MYO1D: variants seen among roughly 807,000 people sequenced by gnomAD.
MYO1D encodes the protein unconventional myosin-Id.
MYO1D carries 83 observed loss-of-function variants against 122.0 expected under a neutral mutation model. That is an observed-to-expected ratio of 0.68 (90% CI 0.57 to 0.82). The LOEUF (loss-of-function observed/expected upper bound fraction) is 0.82, where lower values mean the gene tolerates loss of function less well. Among genes scored for constraint, MYO1D ranks in the 40% least tolerant of loss-of-function variants. MYO1D has a pLI of 0.00. For synonymous variants in MYO1D, 464 were observed against 446.9 expected, an observed-to-expected ratio of 1.04 and a Z score of -0.48; for missense variants, 1,157 against 1,269.5, an observed-to-expected ratio of 0.91 and a Z score of 1.35.
At chr17:32,680,803 T>C (rs1332475462) in intron 16 of MYO1D, among the ~76,000 whole-genome samples, 2 of 152,246 alleles carry the variant, frequency 1.3e-5, no homozygotes, top group Non-Finnish European at 2.9e-5. Context: ...TTTCTATTGA[T>C]TGGAATCATT....
rs567264786 is a variant in MYO1D, at chr17:32,605,134, C to T, written c.2817G>A (p.Glu939=). ...VCLFSKQPTH[E]SRIGELVGVL... ...CTCCAACAAGTTCTCCAATTCGACT[C>T]TCATGGGTTGGCTGTTTGCTGAAGA... is the stretch of plus-strand genomic sequence containing the variant. Residue 939 remains glutamate, a synonymous_variant, in exon 21 of 22, where the codon GAG becomes GAA. Transcript: ENST00000318217. The T allele has an allele frequency of 3.1e-6, 5 of 1,609,712 alleles. No individual in the cohort carries two copies. Among genetic ancestry groups the T allele is most frequent in the African/African-American group, 2.7e-5 (2 of 75,008 alleles).
intron 20 of MYO1D, among the ~76,000 whole-genome samples, chr17:32,620,831 G>A (rs1245235620): frequency 1.3e-5 from 2 of 152,156 alleles, no homozygotes; most frequent in Non-Finnish European, 2.9e-5. Flanking sequence ...ATCACAGGCT[G>A]GAGCACACAC....
At chr17:32,840,117 A>G (rs2090865888) in intron 1 of MYO1D, among the ~76,000 whole-genome samples, 1 of 152,174 alleles carries the variant, frequency 6.6e-6, no homozygotes. Context: ...ATGAAAAGAG[A>G]GATGTAGTTC....
chr17:32,803,139 CT>C (rs1008719907), intron 1 of MYO1D, among the ~76,000 whole-genome samples: 74 of 152,100 alleles, frequency 4.9e-4, no homozygotes, highest in African/African-American at 1.7e-3. Flanking sequence ...TGTGCCAGAA[CT>C]TCCAATTTTT....
chr17:32,566,556 A>G (rs1321571743), intron 21 of MYO1D, among the ~76,000 whole-genome samples: 2 of 151,956 alleles, frequency 1.3e-5, no homozygotes, highest in East Asian at 2.0e-4. Context: ...TGTGGGAGTG[A>G]CCTCAGACCT....
chr17:32,772,901 A>T (rs367571091), intron 4 of MYO1D, 59 bp from the exon 5 acceptor site: 892 of 1,412,028 alleles, frequency 6.3e-4, no homozygotes, highest in Non-Finnish European at 8.5e-4. Flanking sequence ...ATAAAACAGG[A>T]GCCACTTTCT....
intron 20 of MYO1D, among the ~76,000 whole-genome samples, chr17:32,613,987 T>C (rs2087738888): frequency 6.6e-6 from 1 of 151,774 alleles, no homozygotes. Context: ...TATACCATGG[T>C]ATATAAAACA....
intron 1 of MYO1D, among the ~76,000 whole-genome samples, chr17:32,848,742 T>C (rs2090959634): frequency 6.6e-6 from 1 of 152,166 alleles, no homozygotes; most frequent in African/African-American, 2.4e-5. Context: ...GTGCCGTTGC[T>C]ACCTAACCAC....
At chr17:32,844,121 T>G (rs1439327834) in intron 1 of MYO1D, among the ~76,000 whole-genome samples, 2 of 150,004 alleles carry the variant, frequency 1.3e-5, no homozygotes, top group African/African-American at 4.9e-5. Context: ...TTAAATATTC[T>G]ATTATATGTA....
intron 21 of MYO1D, 86 bp downstream of exon 21, chr17:32,605,001 A>G: frequency 7.6e-7 from 1 of 1,311,644 alleles, no homozygotes; most frequent in Non-Finnish European, 1.0e-6. Flanking sequence ...ATACATTAAA[A>G]TTGGCACAAA....
chr17:32,753,906 A>G (rs1305058957), intron 11 of MYO1D, among the ~76,000 whole-genome samples: 1 of 152,158 alleles, frequency 6.6e-6, no homozygotes, highest in African/African-American at 2.4e-5. Context: ...CAAAAGAAAA[A>G]AAAAAAAAAG....
chr17:32,546,864 C>T (rs2086968934), intron 21 of MYO1D, among the ~76,000 whole-genome samples: 1 of 151,382 alleles, frequency 6.6e-6, no homozygotes, highest in Non-Finnish European at 1.5e-5. Flanking sequence ...TAGGCTATCA[C>T]TGAGCTCCAT....
At chr17:32,568,921 G>T (rs1285594515) in intron 21 of MYO1D, among the ~76,000 whole-genome samples, 1 of 152,176 alleles carries the variant, frequency 6.6e-6, no homozygotes, top group Non-Finnish European at 1.5e-5. Flanking sequence ...GTCATCATTT[G>T]TTTTTATGTG....
intron 21 of MYO1D, among the ~76,000 whole-genome samples, chr17:32,546,374 G>C (rs946828278): frequency 2.6e-5 from 4 of 152,176 alleles, no homozygotes; most frequent in African/African-American, 9.7e-5. Flanking sequence ...TGTCTTTGTC[G>C]AGGAGCACTC....
intron 21 of MYO1D, among the ~76,000 whole-genome samples, chr17:32,514,766 C>T (rs575623581): frequency 4.1e-4 from 63 of 152,160 alleles, no homozygotes; most frequent in Admixed American, 8.5e-4. Flanking sequence ...ATAACACATC[C>T]GGGAGTCAGA....
chr17:32,620,390 T>C (rs939725962), intron 20 of MYO1D, among the ~76,000 whole-genome samples: 1 of 152,198 alleles, frequency 6.6e-6, no homozygotes, highest in African/African-American at 2.4e-5. Flanking sequence ...AGAAGGGTGC[T>C]TATTGTCAAA....
chr17:32,527,374 G>A (rs1002581873), intron 21 of MYO1D, among the ~76,000 whole-genome samples: 1 of 152,236 alleles, frequency 6.6e-6, no homozygotes, highest in African/African-American at 2.4e-5. Context: ...TGTCCAGCCT[G>A]TTGAGGCACT....
intron 1 of MYO1D, among the ~76,000 whole-genome samples, chr17:32,872,634 G>A (rs538626085): frequency 3.8e-4 from 57 of 150,084 alleles, no homozygotes; most frequent in African/African-American, 1.3e-3. Context: ...ATCCTAACTC[G>A]CAGTAATCCA....
At chr17:32,760,180 T>C in intron 10 of MYO1D, 110 bp downstream of exon 10, 1 of 927,300 alleles carries the variant, frequency 1.1e-6, no homozygotes, top group Non-Finnish European at 1.8e-6. Context: ...AAAGCTAAGG[T>C]TCAGATGTTT....
Sources: gnomAD v4.1 joint callset for allele counts (sites outside exome capture counted in the v4.1 genomes callset) on GRCh38, gnomAD v4.1.1 for gene constraint, MANE v1.5 for transcripts, NCBI Gene and HGNC (gene_info 2026-07-23, HGNC 2026-07-21) for gene names.